The following SHISA6 variants were observed in gnomAD, a reference collection of about 807,000 sequenced individuals.
SHISA6 encodes the protein protein shisa-6.
A neutral mutation model predicts 47.9 loss-of-function variants in SHISA6; 22 were observed. The ratio of observed to expected loss-of-function variants is 0.46; its 90% CI spans 0.33 to 0.66. The LOEUF (loss-of-function observed/expected upper bound fraction) is 0.66. Ranked by LOEUF, SHISA6 falls within the 30% of genes least tolerant of loss-of-function variation. The pLI, the probability that SHISA6 is intolerant of heterozygous loss-of-function variation, is 0.02. For missense variants in SHISA6, 680 were observed against 764.6 expected (o/e 0.89, Z 1.30); for synonymous variants, 388 against 337.8 (o/e 1.15, Z -1.63).
At chr17:11,540,492 C>T (rs766449270) in intron 3 of SHISA6, among the ~76,000 whole-genome samples, 3 of 152,186 alleles carry the variant, frequency 2.0e-5, no homozygotes, top group Non-Finnish European at 4.4e-5. Context: ...CTTCATCACT[C>T]AGGCCCAGTT....
intron 2 of SHISA6, among the ~76,000 whole-genome samples, chr17:11,331,133 T>C (rs564201659): frequency 6.6e-6 from 1 of 152,250 alleles, no homozygotes; most frequent in Non-Finnish European, 1.5e-5. Flanking sequence ...GTGATCGGCC[T>C]CTCCACGGGA....
chr17:11,251,842 C>T (rs544753034), intron 1 of SHISA6, among the ~76,000 whole-genome samples: 112 of 152,236 alleles, frequency 7.4e-4, no homozygotes, highest in African/African-American at 2.6e-3. Context: ...TCCTGGGACA[C>T]TCTTAATAGC....
In SHISA6 at chr17:11,526,937, T is replaced by A. The variant is rs11869040; in HGVS notation, c.896-24959T>A. ...TATATATATATATATATATATATAT[T>A]ATAATGATCAAATCAGGGTATTTAG... On this transcript the variant is annotated intron_variant, in intron 3 of 5. Coordinates refer to ENST00000441885, the MANE Select transcript of SHISA6 (RefSeq NM_207386.4). 2.6e-3 allele frequency among the ~76,000 whole-genome samples: 345 copies of A among 130,274 alleles called. 8 individuals are homozygous for A. The highest frequency in any genetic ancestry group is 9.6e-3 in the African/African-American group (319 of 33,214). The allele number at this position is 130,274 out of a possible 152,430, so 85.5% of individuals were successfully genotyped here. A position where few individuals can be genotyped will look rare whatever the true frequency, so the allele number is the denominator to read the frequency against.
At chr17:11,505,081 A>C (rs1352867537) in intron 3 of SHISA6, among the ~76,000 whole-genome samples, 1 of 152,214 alleles carries the variant, frequency 6.6e-6, no homozygotes, top group Non-Finnish European at 1.5e-5. Flanking sequence ...CAGAGGCTGG[A>C]ACTACCTGGC....
intron 3 of SHISA6, among the ~76,000 whole-genome samples, chr17:11,382,133 C>T (rs1268364660): frequency 6.6e-6 from 1 of 152,116 alleles, no homozygotes; most frequent in African/African-American, 2.4e-5. Context: ...AGTACAGTGG[C>T]ACAATCATAG....
At chr17:11,271,784 C>T (rs1219016428) in intron 2 of SHISA6, among the ~76,000 whole-genome samples, 3 of 152,050 alleles carry the variant, frequency 2.0e-5, no homozygotes, top group East Asian at 3.9e-4. Context: ...ACAAGACCCC[C>T]TCTGCTGGCC....
chr17:11,457,350 C>T (rs1915568777), intron 3 of SHISA6, among the ~76,000 whole-genome samples: 1 of 152,214 alleles, frequency 6.6e-6, no homozygotes, highest in African/African-American at 2.4e-5. Context: ...ATGCAGTCGA[C>T]AGTTACAACA....
chr17:11,517,505 C>T (rs1233711525), intron 3 of SHISA6, among the ~76,000 whole-genome samples: 3 of 151,836 alleles, frequency 2.0e-5, no homozygotes, highest in Admixed American at 1.3e-4. Flanking sequence ...AAATTAGGGC[C>T]CAAGTCTTTG....
At chr17:11,423,622 A>G (rs1435119210) in intron 3 of SHISA6, among the ~76,000 whole-genome samples, 2 of 152,146 alleles carry the variant, frequency 1.3e-5, no homozygotes, top group Non-Finnish European at 2.9e-5. Flanking sequence ...GAAATATACT[A>G]GAAAGGCAAG....
At chr17:11,326,879 C>G (rs1321942318) in intron 2 of SHISA6, among the ~76,000 whole-genome samples, 2 of 152,226 alleles carry the variant, frequency 1.3e-5, no homozygotes, top group African/African-American at 2.4e-5. Context: ...CCTGCATTAT[C>G]TTACCACATC....
chr17:11,455,702 A>C (rs1915516476), intron 3 of SHISA6, among the ~76,000 whole-genome samples: 1 of 152,080 alleles, frequency 6.6e-6, no homozygotes. Flanking sequence ...CCCAATTTGC[A>C]CAGAAACCAT....
At chr17:11,382,098 G>T (rs1411721524) in intron 3 of SHISA6, among the ~76,000 whole-genome samples, 5 of 151,776 alleles carry the variant, frequency 3.3e-5, no homozygotes, top group African/African-American at 9.7e-5. Flanking sequence ...AGGGAGACAG[G>T]GTCTCACTCT....
chr17:11,405,283 C>T lies in SHISA6; in HGVS notation c.895+25774C>T, dbSNP rs1213138230. Among the ~76,000 whole-genome samples, 4 of 152,080 alleles carry T rather than the reference C, an allele frequency of 2.6e-5. No individual in the cohort carries two copies. The East Asian group carries it at 7.7e-4, about 29-fold the overall frequency. On this transcript the variant is annotated intron_variant, in intron 3 of 5. Coordinates refer to ENST00000441885, the MANE Select transcript of SHISA6 (RefSeq NM_207386.4). ...TTGATCCAGTAGGTCTAGGGTGCCC[C>T]TGAGATGTAGCATTTCTAACAAACC...
chr17:11,471,117 G>A (rs1915925488), intron 3 of SHISA6, among the ~76,000 whole-genome samples: 1 of 151,226 alleles, frequency 6.6e-6, no homozygotes, highest in South Asian at 2.1e-4. Flanking sequence ...GCTGAAGCAG[G>A]AGAATCGCTT....
intron 1 of SHISA6, among the ~76,000 whole-genome samples, chr17:11,247,394 A>G (rs1907632553): frequency 6.6e-6 from 1 of 152,116 alleles, no homozygotes; most frequent in Non-Finnish European, 1.5e-5. Context: ...AATTCCTACC[A>G]CATGCTGGAA....
At chr17:11,507,144 T>C (rs2969182) in intron 3 of SHISA6, among the ~76,000 whole-genome samples, 15,515 of 152,284 alleles carry the variant, frequency 0.1, 891 homozygotes, top group African/African-American at 0.14. Flanking sequence ...CACATTAGTA[T>C]CTCATAAAGA....
intron 2 of SHISA6, among the ~76,000 whole-genome samples, chr17:11,295,963 CAAAAAAAA>C (rs3034195): frequency 2.2e-5 from 2 of 91,386 alleles, no homozygotes; most frequent in Non-Finnish European, 4.2e-5. Flanking sequence ...GACTCCATCT[CAAAAAAAA>C]AAAAAAAAAA....
At chr17:11,338,092 G>A (rs188868488) in intron 2 of SHISA6, among the ~76,000 whole-genome samples, 1 of 152,160 alleles carries the variant, frequency 6.6e-6, no homozygotes, top group Non-Finnish European at 1.5e-5. Flanking sequence ...AAAACACATT[G>A]TCAGGGGAGA....
At position 11,450,383 on chromosome 17, in the gene SHISA6, G is replaced by C. The variant is rs552461203; in HGVS notation, c.895+70874G>C. 7.2e-5 allele frequency among the ~76,000 whole-genome samples: 11 copies of C among 152,086 alleles called. No homozygotes were observed. The South Asian group carries it at 2.3e-3, about 32-fold the overall frequency. ...AACAAAGAGTAATCCAAGGTCGGGC[G>C]CAGTGGCTCACGCCTGTAATCCGGG... On this transcript the variant is annotated intron_variant, in intron 3 of 5. Transcript: ENST00000441885.
Sources: gnomAD v4.1 joint callset for allele counts (sites outside exome capture counted in the v4.1 genomes callset) on GRCh38, gnomAD v4.1.1 for gene constraint, MANE v1.5 for transcripts, NCBI Gene and HGNC (gene_info 2026-07-23, HGNC 2026-07-21) for gene names.